Variants in CEP290 observed in about 807,000 individuals in gnomAD.
CEP290 encodes centrosomal protein of 290 kDa.
A neutral mutation model predicts 344.9 loss-of-function variants in CEP290; 317 were observed. That is an observed-to-expected ratio of 0.92 (90% CI 0.84 to 1.01). The LOEUF (loss-of-function observed/expected upper bound fraction) is 1.01. CEP290 is among the 50% of genes least tolerant of loss of function. The pLI, the probability that CEP290 is intolerant of heterozygous loss-of-function variation, is 0.00. For missense variants in CEP290, 2,754 were observed against 2,761.4 expected (o/e 1.00, Z 0.06); for synonymous variants, 932 against 895.8 (o/e 1.04, Z -0.72).
Position 88,071,762 on chromosome 12 carries a change from T to C in CEP290, c.5855+19A>G. On this transcript the variant is annotated intron_variant, in intron 42 of 53. Transcript: ENST00000552810. ...AGGATTTTACACATAATTAGTTTTATAATGATATTTAAACTCACTTGGCAA... is the reference window on the plus strand; with the variant it reads ...AGGATTTTACACATAATTAGTTTTACAATGATATTTAAACTCACTTGGCAA... 6.4e-7 allele frequency: 1 copy of C among 1,553,112 alleles called. No homozygotes were observed.
chr12:88,097,416 A>T (rs961077324), intron 26 of CEP290, among the ~76,000 whole-genome samples: 1 of 152,000 alleles, frequency 6.6e-6, no homozygotes, highest in South Asian at 2.1e-4. Context: ...TCCGGCCACC[A>T]TGTGAAGAAA....
At chr12:88,050,565 C>A in intron 52 of CEP290, 132 bp from the exon 53 acceptor site, 1 of 518,890 alleles carries the variant, frequency 1.9e-6, no homozygotes, top group Non-Finnish European at 3.3e-6. Flanking sequence ...GATGTTATGG[C>A]TGAAATACTT....
intron 35 of CEP290, 26 bp from the exon 36 acceptor site, chr12:88,083,980 A>G: frequency 7.3e-7 from 1 of 1,377,520 alleles, no homozygotes; most frequent in Non-Finnish European, 1.0e-6. Flanking sequence ...TCGAAACTAT[A>G]TCTTAAATTG....
At chr12:88,097,989 T>A (rs1294353996) in intron 26 of CEP290, among the ~76,000 whole-genome samples, 1 of 152,022 alleles carries the variant, frequency 6.6e-6, no homozygotes, top group Non-Finnish European at 1.5e-5. Context: ...AATAAGCAAG[T>A]AAACAAACAA....
At chr12:88,131,867 G>A (rs2040093626) in intron 6 of CEP290, among the ~76,000 whole-genome samples, 2 of 152,134 alleles carry the variant, frequency 1.3e-5, no homozygotes, top group Non-Finnish European at 2.9e-5. Flanking sequence ...CTAAGTCATA[G>A]CTAGACTATT....
chr12:88,098,671 T>C (rs995450471), intron 26 of CEP290, among the ~76,000 whole-genome samples: 5 of 151,810 alleles, frequency 3.3e-5, no homozygotes, highest in African/African-American at 9.7e-5. Context: ...CAGTGAATAA[T>C]AGAAAGGAAC....
intron 25 of CEP290, among the ~76,000 whole-genome samples, chr12:88,105,946 G>A (rs928240250): frequency 2.6e-5 from 4 of 151,576 alleles, no homozygotes; most frequent in Non-Finnish European, 5.9e-5. Flanking sequence ...AACATTTTTT[G>A]TAGAGACGGA....
intron 26 of CEP290, among the ~76,000 whole-genome samples, chr12:88,097,482 C>T (rs573396571): frequency 2.0e-5 from 3 of 152,042 alleles, no homozygotes; most frequent in East Asian, 1.9e-4. Flanking sequence ...GCCTCCCCAG[C>T]TCTGTGGAAC....
chr12:88,133,215 G>T (rs544014404), intron 6 of CEP290, among the ~76,000 whole-genome samples: 5 of 151,538 alleles, frequency 3.3e-5, no homozygotes, highest in Admixed American at 6.6e-5. Flanking sequence ...AGCTGGGACT[G>T]CAGGCATACA....
rs1302625844 is a variant in CEP290, at chr12:88,139,573, TA to T, written c.181-10del. On this transcript the variant is annotated splice_polypyrimidine_tract_variant and intron_variant, in intron 3 of 53. Coordinates refer to ENST00000552810, the MANE Select transcript of CEP290 (RefSeq NM_025114.4). ...ACTTCTTGAGCTTTCATCTAAACAT[TA>T]AAAAAAGGTTATTTCAATATGCCTT... The T allele has an allele frequency of 1.6e-5, 25 of 1,549,586 alleles. No homozygotes were observed. The highest frequency in any genetic ancestry group is 1.3e-4 in the South Asian group (10 of 78,014).
chr12:88,141,011 C>T lies in CEP290; in HGVS notation c.125G>A (p.Ser42Asn). 6.3e-7 allele frequency: 1 copy of T among 1,587,100 alleles called. No homozygotes were observed. Residue 42 changes from serine to asparagine, a missense_variant, in exon 3 of 54, where the codon AGT (serine) becomes AAT (asparagine). Transcript: ENST00000552810. ...GTGTATCACATTTTCTTGCTTTTCA[C>T]TTTTTAGCTCATTTACTTCCACCTA... The part of the protein sequence containing the change: ...LSKVEVNELK[S>N]EKQENVIHLF...
At chr12:88,105,113 T>C (rs2038182154) in intron 25 of CEP290, among the ~76,000 whole-genome samples, 1 of 152,192 alleles carries the variant, frequency 6.6e-6, no homozygotes, top group Admixed American at 6.5e-5. Context: ...CTGGGCTCTT[T>C]AAAGAAATGG....
intron 45 of CEP290, among the ~76,000 whole-genome samples, chr12:88,063,741 G>GT (rs1404899015): frequency 2.6e-5 from 4 of 151,968 alleles, no homozygotes; most frequent in South Asian, 2.1e-4. Flanking sequence ...CCACTAGAAC[G>GT]TAAGTCCTAT....
At position 88,121,095 on chromosome 12, in the gene CEP290, T is replaced by C; in HGVS notation, c.1261A>G (p.Lys421Glu). 6.2e-7 allele frequency: 1 copy of C among 1,613,536 alleles called. No homozygotes were observed. ...AGTTCAGCTGTTCTCTCAGCCTCTT[T>C]AGTTTTCTCTTTTAAAATGTCTAAC... ...STLDILKEKT[K>E]EAERTAELAE... Residue 421 changes from lysine to glutamate, a missense_variant, in exon 14 of 54, where the codon AAA (lysine) becomes GAA (glutamate). By Grantham distance (56) the Lys-to-Glu change is moderately conservative (BLOSUM62 1). Transcript: ENST00000552810.
Position 88,118,485 on chromosome 12 carries a change from G to T in CEP290, c.1709C>A (p.Ser570Ter), listed in dbSNP as rs1272411609. ...AQERGKRSAT[S>*]GLTTEDLNLT... ...AGGTTTAGAATAACTGAGTATACCT[G>T]AAGTTGCACTTCTTTTTCCTCTTTC... Residue 570 changes from serine (S) to a stop codon, truncating the protein, a stop_gained and splice_region_variant, in exon 17 of 54, where the codon TCA becomes TAA. Coordinates refer to ENST00000552810, the MANE Select transcript of CEP290 (RefSeq NM_025114.4). LOFTEE classifies it high-confidence loss of function. 6.4e-7 allele frequency: 1 copy of T among 1,553,898 alleles called. No individual in the cohort carries two copies. The highest frequency in any genetic ancestry group is 1.2e-5 in the South Asian group (1 of 84,310).
intron 28 of CEP290, chr12:88,093,515 A>C: frequency 2.8e-6 from 1 of 355,892 alleles, no homozygotes; most frequent in Non-Finnish European, 5.1e-6. Flanking sequence ...GTGAAAGGCA[A>C]TTCCATTGTT....
chr12:88,052,024 T>C (rs1000826403), intron 52 of CEP290, among the ~76,000 whole-genome samples: 10 of 152,190 alleles, frequency 6.6e-5, no homozygotes, highest in Non-Finnish European at 1.3e-4. Flanking sequence ...CTTAACCACT[T>C]TGAATTTGTT....
intron 18 of CEP290, chr12:88,115,644 T>C: frequency 4.6e-6 from 5 of 1,082,212 alleles, no homozygotes; most frequent in South Asian, 4.1e-5. Context: ...TTTTAAAAAG[T>C]ACAATGTGTA....
In CEP290 at chr12:88,111,264, T is replaced by C; in HGVS notation, c.2305A>G (p.Ile769Val). 6.5e-7 allele frequency: 1 copy of C among 1,543,466 alleles called. No individual in the cohort carries two copies. The highest frequency in any genetic ancestry group is 8.8e-7 in the Non-Finnish European group (1 of 1,141,666). The change falls in exon 22 of 54, where the codon ATA becomes GTA. Residue 769 changes from isoleucine (I) to valine (V), a missense_variant. Physicochemically the swap from Ile to Val is conservative, Grantham distance 29 (BLOSUM62 3). Transcript: ENST00000552810. Reference sequence around the variant, plus strand: ...ATGATACTGGCACTAGATGGTGCTATCCCATCAGGTAAGTCAATTCCTTTA... The same window carrying C: ...ATGATACTGGCACTAGATGGTGCTACCCCATCAGGTAAGTCAATTCCTTTA... The part of the protein sequence containing the change: ...VFKGIDLPDG[I>V]APSSASIINS...
Sources: allele counts gnomAD v4.1 joint callset (sites outside exome capture counted in the v4.1 genomes callset), GRCh38; gene constraint gnomAD v4.1.1; transcripts MANE v1.5; gene names NCBI Gene and HGNC (gene_info 2026-07-23, HGNC 2026-07-21).